PRKACB: variants seen among roughly 807,000 people sequenced by gnomAD.
PRKACB encodes cAMP-dependent protein kinase catalytic subunit beta.
Under a neutral mutation model 51.4 loss-of-function variants are expected in PRKACB, and 16 were observed. That is an observed-to-expected ratio of 0.31 (90% CI 0.21 to 0.47). PRKACB has a LOEUF of 0.47. Ranked by LOEUF, PRKACB falls within the 20% of genes least tolerant of loss-of-function variation. The pLI, the probability that PRKACB is intolerant of heterozygous loss-of-function variation, is 1.00. For synonymous variants in PRKACB, 147 were observed against 154.4 expected, an observed-to-expected ratio of 0.95 and a Z score of 0.35; for missense variants, 309 against 464.5, an observed-to-expected ratio of 0.67 and a Z score of 3.08.
At chr1:84,184,171 A>T (rs373700735) in intron 4 of PRKACB, 36 bp downstream of exon 4, 26 of 1,547,256 alleles carry the variant, frequency 1.7e-5, no homozygotes, top group Non-Finnish European at 2.1e-5. Flanking sequence ...GATATTTTCA[A>T]CCTAAATTTT....
intron 8 of PRKACB, among the ~76,000 whole-genome samples, chr1:84,212,988 T>G (rs796428120): frequency 2.6e-5 from 4 of 152,310 alleles, no homozygotes; most frequent in African/African-American, 9.6e-5. Flanking sequence ...AATGTAATGA[T>G]GCACTATGTA....
intron 9 of PRKACB, among the ~76,000 whole-genome samples, chr1:84,229,946 A>G (rs1245136387): frequency 2.7e-5 from 4 of 150,914 alleles, no homozygotes; most frequent in African/African-American, 9.7e-5. Context: ...ATTAGATCCC[A>G]TTTGTCAATT....
intron 9 of PRKACB, among the ~76,000 whole-genome samples, chr1:84,231,128 T>G (rs1016773828): frequency 4.0e-5 from 6 of 151,538 alleles, no homozygotes; most frequent in Non-Finnish European, 8.8e-5. Flanking sequence ...TATTGAGAGT[T>G]TTTAGCGTGT....
At chr1:84,188,147 T>G (rs1336595666) in intron 5 of PRKACB, among the ~76,000 whole-genome samples, 2 of 152,096 alleles carry the variant, frequency 1.3e-5, no homozygotes, top group Non-Finnish European at 2.9e-5. Context: ...CAAATTGCTA[T>G]AAATTATAAA....
intron 9 of PRKACB, among the ~76,000 whole-genome samples, chr1:84,231,094 A>G (rs1376381675): frequency 2.0e-5 from 3 of 150,106 alleles, no homozygotes; most frequent in South Asian, 2.1e-4. Flanking sequence ...ATTATTTTGA[A>G]ATACGTCCCA....
intron 8 of PRKACB, among the ~76,000 whole-genome samples, chr1:84,203,184 T>G (rs1037175046): frequency 1.3e-5 from 2 of 152,052 alleles, no homozygotes; most frequent in African/African-American, 4.8e-5. Context: ...GAGAGACTTC[T>G]TGTTTTAATT....
chr1:84,082,488 C>T (rs1647620094), intron 1 of PRKACB, among the ~76,000 whole-genome samples: 1 of 152,104 alleles, frequency 6.6e-6, no homozygotes, highest in Admixed American at 6.5e-5. Context: ...GCCTTAATTA[C>T]TACAGTACTT....
At chr1:84,171,902 T>A (rs1217994098) in intron 1 of PRKACB, among the ~76,000 whole-genome samples, 1 of 151,642 alleles carries the variant, frequency 6.6e-6, no homozygotes, top group African/African-American at 2.4e-5. Context: ...AGGTAATTTT[T>A]AAAAATCTCC....
At chr1:84,093,589 C>T (rs1648693425) in intron 1 of PRKACB, among the ~76,000 whole-genome samples, 1 of 151,826 alleles carries the variant, frequency 6.6e-6, no homozygotes, top group Admixed American at 6.6e-5. Flanking sequence ...TTTGAATATT[C>T]TTTATTTTTA....
At chr1:84,181,589 TC>T in intron 2 of PRKACB, 1 of 986,402 alleles carries the variant, frequency 1.0e-6, no homozygotes, top group Middle Eastern at 3.4e-4. Flanking sequence ...AACTCTTCTT[TC>T]CTTATTGTTG....
intron 9 of PRKACB, among the ~76,000 whole-genome samples, chr1:84,221,934 C>T (rs945319969): frequency 6.6e-6 from 1 of 152,012 alleles, no homozygotes; most frequent in Non-Finnish European, 1.5e-5. Context: ...TAAATGTCTC[C>T]TAGGTACATT....
chr1:84,114,053 G>C (rs531466934), intron 1 of PRKACB, among the ~76,000 whole-genome samples: 27 of 152,060 alleles, frequency 1.8e-4, no homozygotes, highest in Non-Finnish European at 3.7e-4. Flanking sequence ...CTGTAACCTG[G>C]GATGGTAGAC....
chr1:84,197,130 T>G (rs1297807312), intron 6 of PRKACB, among the ~76,000 whole-genome samples: 1 of 152,154 alleles, frequency 6.6e-6, no homozygotes, highest in Admixed American at 6.5e-5. Flanking sequence ...CATAGCAAGG[T>G]CATTTAGCCA....
chr1:84,173,455 T>A, intron 1 of PRKACB: 1 of 1,008,626 alleles, frequency 9.9e-7, no homozygotes, highest in Non-Finnish European at 1.5e-6. Flanking sequence ...TTGTGTTGAG[T>A]TTTTACAATT....
exon 1 of PRKACB, chr1:84,078,286 C>T (rs1403087078): frequency 6.3e-7 from 1 of 1,580,722 alleles, no homozygotes. Context: ...GCCCCAGCCC[C>T]CCTTCCCTTC....
At chr1:84,182,574 G>A (rs1449148482) in intron 3 of PRKACB, among the ~76,000 whole-genome samples, 1 of 151,784 alleles carries the variant, frequency 6.6e-6, no homozygotes, top group Admixed American at 6.6e-5. Context: ...AGATATTTGG[G>A]AAAAAAATTA....
At chr1:84,234,032 C>G (rs536781273) in intron 9 of PRKACB, among the ~76,000 whole-genome samples, 2 of 150,968 alleles carry the variant, frequency 1.3e-5, no homozygotes, top group African/African-American at 4.8e-5. Context: ...GTTTTTTCCC[C>G]ATCTTTGTGG....
At chr1:84,104,176 C>G (rs1649557503) in intron 1 of PRKACB, among the ~76,000 whole-genome samples, 1 of 152,128 alleles carries the variant, frequency 6.6e-6, no homozygotes, top group Non-Finnish European at 1.5e-5. Flanking sequence ...CTCCTATCTA[C>G]TTGTATGAGC....
At chr1:84,183,600 G>T (rs1462004113) in intron 3 of PRKACB, among the ~76,000 whole-genome samples, 1 of 151,712 alleles carries the variant, frequency 6.6e-6, no homozygotes, top group Non-Finnish European at 1.5e-5. Context: ...TTATTGCAGA[G>T]ATTTGAGCCA....
Sources: gnomAD v4.1 joint callset for allele counts (sites outside exome capture counted in the v4.1 genomes callset) on GRCh38, gnomAD v4.1.1 for gene constraint, MANE v1.5 for transcripts, NCBI Gene and HGNC (gene_info 2026-07-23, HGNC 2026-07-21) for gene names.